ATXN3: variants seen among roughly 807,000 people sequenced by gnomAD.
ATXN3 encodes ataxin 3, also known as ataxin-3.
Under a neutral mutation model 58.2 loss-of-function variants are expected in ATXN3, and 28 were observed. The ratio of observed to expected loss-of-function variants is 0.48; its 90% CI spans 0.36 to 0.66. The LOEUF (loss-of-function observed/expected upper bound fraction) is 0.66. Ranked by LOEUF, ATXN3 falls within the 30% of genes least tolerant of loss-of-function variation. The pLI, the probability that ATXN3 is intolerant of heterozygous loss-of-function variation, is 0.00. For missense variants in ATXN3, 321 were observed against 422.1 expected, an observed-to-expected ratio of 0.76 and a Z score of 2.10; for synonymous variants, 113 against 138.5, an observed-to-expected ratio of 0.82 and a Z score of 1.29.
chr14:92,106,400 C>T, intron 1 of ATXN3, 129 bp downstream of exon 1: 2 of 1,192,264 alleles, frequency 1.7e-6, no homozygotes, highest in South Asian at 1.3e-5. Context: ...GCTGCGGCGT[C>T]GCCCCTCGCC....
At chr14:92,064,834 ACTTT>A (rs1302104476) in intron 10 of ATXN3, among the ~76,000 whole-genome samples, 3 of 152,168 alleles carry the variant, frequency 2.0e-5, no homozygotes, top group African/African-American at 7.2e-5. Context: ...CAAAAACCCA[ACTTT>A]CTATTTTGAA....
At chr14:92,052,785 G>T (rs1003724077), upstream of ATXN3, among the ~76,000 whole-genome samples, 1 of 152,170 alleles carries the variant, frequency 6.6e-6, no homozygotes, top group African/African-American at 2.4e-5. Context: ...TGAAAATTAT[G>T]CAGCTTGCCT....
Position 92,096,082 on chromosome 14 carries a change from T to A in ATXN3, c.234+11A>T. 10 of 1,572,896 alleles carry A rather than the reference T, an allele frequency of 6.4e-6. No individual in the cohort carries two copies. The highest frequency in any genetic ancestry group is 7.9e-6 in the Non-Finnish European group (9 of 1,145,082). The stretch of plus-strand genomic sequence containing the variant: ...GTAAGCAACACATAGTACATGCTTG[T>A]GACTACTTACCTGAATAGAGAAAAA... On this transcript the variant is annotated intron_variant, in intron 3 of 10. Transcript: ENST00000644486.
chr14:92,064,292 T>C lies in ATXN3; in HGVS notation c.*28A>G. 1 of 1,486,520 alleles carries C rather than the reference T, an allele frequency of 6.7e-7. No individual in the cohort carries two copies. Among genetic ancestry groups the C allele is most frequent in the Non-Finnish European group, 9.4e-7 (1 of 1,068,322 alleles). The allele number at this position is 1,486,520 out of a possible 1,614,324, so 92.1% of individuals were successfully genotyped here. The stretch of plus-strand genomic sequence containing the variant: ...TCACACAGGATAATGTTGGAAAGTA[T>C]GAATATCTAAATTATTTTTTAAAGG... On this transcript the variant is annotated 3_prime_UTR_variant, in exon 11 of 11. Transcript: ENST00000644486.
At chr14:92,056,288 G>T (rs748762507), downstream of ATXN3, among the ~76,000 whole-genome samples, 1 of 152,168 alleles carries the variant, frequency 6.6e-6, no homozygotes, top group Non-Finnish European at 1.5e-5. Context: ...TGGTATTCAA[G>T]AATTTGACAT....
chr14:92,080,221 C>T (rs2061213241), intron 9 of ATXN3, among the ~76,000 whole-genome samples: 1 of 152,116 alleles, frequency 6.6e-6, no homozygotes. Flanking sequence ...TGCTAACAGG[C>T]TTACAGGACT....
At chr14:92,105,010 T>A (rs912012334) in intron 1 of ATXN3, among the ~76,000 whole-genome samples, 1 of 151,568 alleles carries the variant, frequency 6.6e-6, no homozygotes, top group Non-Finnish European at 1.5e-5. Flanking sequence ...GATTTACGAG[T>A]CATGTCAATC....
At chr14:92,093,190 A>C (rs2064286035) in intron 5 of ATXN3, 62 bp downstream of exon 5, 3 of 1,170,568 alleles carry the variant, frequency 2.6e-6, no homozygotes, top group African/African-American at 3.1e-5. Flanking sequence ...CCTGGCCCAC[A>C]TTTTAGTTTT....
At chr14:92,075,156 G>GTTTT (rs376552690) in intron 9 of ATXN3, among the ~76,000 whole-genome samples, 38 of 111,350 alleles carry the variant, frequency 3.4e-4, no homozygotes, top group Non-Finnish European at 5.3e-4. Context: ...GTAATAGGGA[G>GTTTT]TTTTTTTTTT....
chr14:92,093,199 T>C, intron 5 of ATXN3, 53 bp downstream of exon 5: 2 of 1,273,780 alleles, frequency 1.6e-6, no homozygotes, highest in South Asian at 2.7e-5. Context: ...CATTTTAGTT[T>C]TAAATGGGGT....
intron 5 of ATXN3, among the ~76,000 whole-genome samples, chr14:92,091,439 A>G (rs2063763665): frequency 6.8e-6 from 1 of 147,778 alleles, no homozygotes; most frequent in South Asian, 2.2e-4. Flanking sequence ...CGATAGAGCA[A>G]GAATCCGTCT....
Position 92,096,831 on chromosome 14 carries a change from CCTT to C in ATXN3, c.29_31del (p.Glu10del), listed in dbSNP as rs2065379441. The C allele has an allele frequency of 6.2e-7, 1 of 1,613,248 alleles. No homozygotes were observed. Among genetic ancestry groups the C allele is most frequent in the African/African-American group, 1.3e-5 (1 of 74,866 alleles). ...CAGGCAATGTTGAGCACAAAGTGAGCCTTCTTGCTAATATTTCCAAAAGAAAAA... is the reference window on the plus strand; with the variant it reads ...CAGGCAATGTTGAGCACAAAGTGAGCCTTGCTAATATTTCCAAAAGAAAAA... On this transcript the variant is annotated inframe_deletion, in exon 2 of 11. Transcript: ENST00000644486.
chr14:92,052,732 C>T (rs915271078), upstream of ATXN3, among the ~76,000 whole-genome samples: 41 of 152,168 alleles, frequency 2.7e-4, no homozygotes, highest in African/African-American at 9.2e-4. Context: ...CCATACTTTC[C>T]AGGTGCCCAG....
intron 6 of ATXN3, among the ~76,000 whole-genome samples, chr14:92,087,539 G>A (rs904269842): frequency 2.0e-5 from 3 of 152,150 alleles, no homozygotes; most frequent in Admixed American, 2.0e-4. Flanking sequence ...TTTTAGCCAC[G>A]TCCAGCTACT....
chr14:92,093,619 C>A, intron 4 of ATXN3, 127 bp downstream of exon 4: 1 of 768,820 alleles, frequency 1.3e-6, no homozygotes. Context: ...ATAGGAAAGT[C>A]TGAGTGAATG....
At chr14:92,051,867 A>G (rs2057449351), upstream of ATXN3, among the ~76,000 whole-genome samples, 1 of 150,626 alleles carries the variant, frequency 6.6e-6, no homozygotes, top group African/African-American at 2.4e-5. Flanking sequence ...AGCTGGGATT[A>G]CAGGCATGCG....
intron 6 of ATXN3, among the ~76,000 whole-genome samples, chr14:92,087,625 G>C (rs2062876957): frequency 6.6e-6 from 1 of 152,222 alleles, no homozygotes; most frequent in Admixed American, 6.5e-5. Context: ...ATGATGGAGG[G>C]AGAGAGGGGA....
At chr14:92,046,979 A>T (rs1225678648) in intron 2 of ATXN3, among the ~76,000 whole-genome samples, 1 of 152,248 alleles carries the variant, frequency 6.6e-6, no homozygotes, top group Non-Finnish European at 1.5e-5. Context: ...ACAAAGTAGA[A>T]GGTCATCAAT....
intron 3 of ATXN3, 83 bp downstream of exon 3, chr14:92,096,010 G>A (rs377687859): frequency 3.6e-5 from 40 of 1,112,700 alleles, no homozygotes; most frequent in South Asian, 1.5e-4. Flanking sequence ...TCCGAAGGTC[G>A]CCTTGTTACA....
Sources: gnomAD v4.1 joint callset for allele counts (sites outside exome capture counted in the v4.1 genomes callset) on GRCh38, gnomAD v4.1.1 for gene constraint, MANE v1.5 for transcripts, NCBI Gene and HGNC (gene_info 2026-07-23, HGNC 2026-07-21) for gene names.